Variants in FOLH1 observed in about 807,000 individuals in gnomAD.
FOLH1 encodes glutamate carboxypeptidase 2.
A neutral mutation model predicts 93.9 loss-of-function variants in FOLH1; 54 were observed. The observed-to-expected ratio is 0.57, with a 90% CI of 0.46 to 0.72. The LOEUF (loss-of-function observed/expected upper bound fraction) is 0.72. Ranked by LOEUF, FOLH1 falls within the 30% of genes least tolerant of loss-of-function variation. FOLH1 has a pLI of 0.00. For missense variants in FOLH1, 571 were observed against 892.5 expected (o/e 0.64, Z 4.59); for synonymous variants, 249 against 303.6 (o/e 0.82, Z 1.87).
At chr11:49,192,522 G>A (rs1361037228) in intron 4 of FOLH1, among the ~76,000 whole-genome samples, 1 of 152,170 alleles carries the variant, frequency 6.6e-6, no homozygotes, top group Non-Finnish European at 1.5e-5. Flanking sequence ...ATGGGATTTG[G>A]ATCACCCAGA....
chr11:49,159,012 A>C (rs1214269552), intron 13 of FOLH1, among the ~76,000 whole-genome samples: 1 of 152,172 alleles, frequency 6.6e-6, no homozygotes, highest in South Asian at 2.1e-4. Flanking sequence ...GTTGCTTATC[A>C]GCTTAAGGAG....
chr11:49,180,808 G>C (rs1171430769), intron 7 of FOLH1, among the ~76,000 whole-genome samples: 7 of 152,162 alleles, frequency 4.6e-5, no homozygotes, highest in Admixed American at 1.3e-4. Flanking sequence ...TGGATAAATA[G>C]TGTCTATTTT....
At chr11:49,171,653 T>C (rs1859312073) in intron 10 of FOLH1, among the ~76,000 whole-genome samples, 1 of 152,200 alleles carries the variant, frequency 6.6e-6, no homozygotes, top group African/African-American at 2.4e-5. Context: ...GAAAATCCTT[T>C]AGAACTCTTT....
chr11:49,200,676 T>C (rs975613894), intron 2 of FOLH1, among the ~76,000 whole-genome samples: 6 of 152,192 alleles, frequency 3.9e-5, no homozygotes, highest in African/African-American at 7.2e-5. Flanking sequence ...TATCATTATG[T>C]GTAATCCTAT....
At chr11:49,168,785 T>C (rs1467890178) in intron 12 of FOLH1, among the ~76,000 whole-genome samples, 2 of 152,282 alleles carry the variant, frequency 1.3e-5, no homozygotes, top group South Asian at 2.1e-4. Flanking sequence ...ATACTTTTTT[T>C]CTACACCATT....
At chr11:49,203,995 C>A (rs1016739684) in intron 2 of FOLH1, among the ~76,000 whole-genome samples, 3 of 152,158 alleles carry the variant, frequency 2.0e-5, no homozygotes, top group Non-Finnish European at 4.4e-5. Context: ...ACTTCCTGGG[C>A]ATGCGTGTTA....
At chr11:49,189,718 G>A (rs1861815251) in intron 4 of FOLH1, among the ~76,000 whole-genome samples, 2 of 152,152 alleles carry the variant, frequency 1.3e-5, no homozygotes, top group Admixed American at 1.3e-4. Context: ...GCCATCTTAA[G>A]TTGGGGGTTT....
chr11:49,164,533 C>A (rs956035548), intron 13 of FOLH1, among the ~76,000 whole-genome samples, 172 bp downstream of exon 13: 1 of 152,056 alleles, frequency 6.6e-6, no homozygotes. Context: ...AGAAATGAGG[C>A]AATCTGTGTA....
In FOLH1 at chr11:49,196,362, A is replaced by G. The variant is rs528191394; in HGVS notation, c.412-3468T>C. ...TTAAAATTTTCCACAAACAGAGTCA[A>G]GGCCAACTGGTTTTCCTTGAGTTTG... On this transcript the variant is annotated intron_variant, in intron 3 of 18. Coordinates refer to ENST00000256999, the MANE Select transcript of FOLH1 (RefSeq NM_004476.3). 3.5e-4 allele frequency among the ~76,000 whole-genome samples: 54 copies of G among 152,292 alleles called. 1 individual carries two copies. In the South Asian group the frequency reaches 0.011, roughly 30 times the overall value.
intron 4 of FOLH1, among the ~76,000 whole-genome samples, chr11:49,191,152 C>T (rs1235089335): frequency 1.3e-5 from 2 of 152,150 alleles, no homozygotes; most frequent in Non-Finnish European, 2.9e-5. Context: ...GCTGGGACTA[C>T]AGGCGCCCGC....
At chr11:49,159,711 C>G (rs994083226) in intron 13 of FOLH1, among the ~76,000 whole-genome samples, 2 of 152,054 alleles carry the variant, frequency 1.3e-5, no homozygotes, top group African/African-American at 4.8e-5. Context: ...ATAGTACCAG[C>G]CCTTCTTTGT....
intron 17 of FOLH1, among the ~76,000 whole-genome samples, chr11:49,151,426 A>G (rs1037355707): frequency 7.0e-6 from 1 of 142,684 alleles, no homozygotes; most frequent in African/African-American, 2.7e-5. Context: ...ACACACACAC[A>G]CAGACACACA....
At position 49,185,805 on chromosome 11, in the gene FOLH1, G is replaced by T. The variant is rs1459750713; in HGVS notation, c.690C>A (p.Asp230Glu). 2 of 1,602,678 alleles carry T rather than the reference G, an allele frequency of 1.2e-6. No homozygotes were observed. The highest frequency in any genetic ancestry group is 1.1e-5 in the South Asian group (1 of 88,730). Residue 230 changes from aspartate (D) to glutamate (E), a missense_variant, in exon 6 of 19, where the codon GAC becomes GAA. Asp to Glu is a conservative substitution (Grantham distance 45). Transcript: ENST00000256999. Reference protein sequence around the residue: ...AGAKGVILYSDPADYFAPGVK... With the variant: ...AGAKGVILYSEPADYFAPGVK... Reference sequence around the variant, plus strand: ...CCCCAGGAGCAAAGTAGTCAGCAGGGTCGGAGTAGAGAATGACTCCTTTGG... The same window carrying T: ...CCCCAGGAGCAAAGTAGTCAGCAGGTTCGGAGTAGAGAATGACTCCTTTGG...
chr11:49,157,911 TCCCACACTGAATTCAGTGGA>T (rs1406514693), intron 14 of FOLH1, 21 bp downstream of exon 14: 18 of 1,516,980 alleles, frequency 1.2e-5, no homozygotes, highest in Non-Finnish European at 1.5e-5. Flanking sequence ...TTCAAAACAA[TCCCACACTGAATTCAGTGGA>T]AACTTCATTC....
chr11:49,169,203 G>A lies in FOLH1; in HGVS notation c.1364C>T (p.Ser455Phe). 2 of 1,613,004 alleles carry A rather than the reference G, an allele frequency of 1.2e-6. No individual in the cohort carries two copies. Among genetic ancestry groups the A allele is most frequent in the Non-Finnish European group, 1.7e-6 (2 of 1,179,214 alleles). The change falls in exon 12 of 19, where the codon TCT (serine) becomes TTT (phenylalanine). Residue 455 changes from serine (S) to phenylalanine (F), a missense_variant. This residue lies in a region of FOLH1 where 500 missense variants were observed against 822.9 expected (regional missense o/e 0.61). Transcript: ENST00000256999. ...AGACCAACGATATTCACCTTCTATA[G>A]ATGAGTCAGCATTAATATAAGCCAC... is the stretch of plus-strand genomic sequence containing the variant. ...RGVAYINADS[S>F]IEGNYTLRVD...
In FOLH1 at chr11:49,168,801, TTA is replaced by T. The variant is rs1858807369; in HGVS notation, c.1372+392_1372+393del. 4.6e-5 allele frequency among the ~76,000 whole-genome samples: 7 copies of T among 152,230 alleles called. No homozygotes were observed. The South Asian group carries it at 1.5e-3, about 32-fold the overall frequency. On this transcript the variant is annotated intron_variant, in intron 12 of 18. Transcript: ENST00000256999. Reference sequence around the variant, plus strand: ...TACTTTTTTTCTACACCATTCTAAATTATAGAACTCTTTAGGTCCCTGAGTTA... The same window carrying T: ...TACTTTTTTTCTACACCATTCTAAATTAGAACTCTTTAGGTCCCTGAGTTA...
intron 4 of FOLH1, among the ~76,000 whole-genome samples, chr11:49,188,814 G>C (rs1253145668): frequency 2.0e-5 from 3 of 152,068 alleles, no homozygotes; most frequent in Non-Finnish European, 4.4e-5. Flanking sequence ...TTATGGAATT[G>C]TTACTAACTT....
chr11:49,148,534 T>C (rs1856040044), intron 18 of FOLH1, 105 bp downstream of exon 18: 1 of 830,514 alleles, frequency 1.2e-6, no homozygotes, highest in African/African-American at 1.8e-5. Context: ...ATTTTCTATT[T>C]GCTTGCAAGA....
intron 13 of FOLH1, among the ~76,000 whole-genome samples, chr11:49,161,945 A>G (rs544517355): frequency 1.3e-5 from 2 of 152,326 alleles, no homozygotes; most frequent in South Asian, 4.2e-4. Flanking sequence ...AATGTTGAAC[A>G]TTGGCCTCCA....
Sources: allele counts gnomAD v4.1 joint callset (sites outside exome capture counted in the v4.1 genomes callset), GRCh38; gene constraint gnomAD v4.1.1; regional missense constraint gnomAD v4.1.1; transcripts MANE v1.5; gene names NCBI Gene and HGNC (gene_info 2026-07-23, HGNC 2026-07-21).